The following PXDNL variants were observed in gnomAD, a reference collection of about 807,000 sequenced individuals.
The protein encoded by PXDNL is probable oxidoreductase PXDNL.
PXDNL carries 145 observed loss-of-function variants against 150.8 expected under a neutral mutation model. The ratio of observed to expected loss-of-function variants is 0.96; its 90% CI spans 0.84 to 1.10. The LOEUF (loss-of-function observed/expected upper bound fraction) is 1.10. Among genes scored for constraint, PXDNL ranks in the 50% least tolerant of loss-of-function variants. The pLI, the probability that PXDNL is intolerant of heterozygous loss-of-function variation, is 0.00. For missense variants in PXDNL, 2,087 were observed against 1,873.9 expected, an observed-to-expected ratio of 1.11 and a Z score of -2.10; for synonymous variants, 757 against 725.7, an observed-to-expected ratio of 1.04 and a Z score of -0.69.
chr8:51,553,218 G>A (rs13252991), intron 4 of PXDNL, among the ~76,000 whole-genome samples: 1 of 152,160 alleles, frequency 6.6e-6, no homozygotes, highest in Non-Finnish European at 1.5e-5. Context: ...AGCTCTCGTG[G>A]GTTGAAGTCT....
intron 1 of PXDNL, among the ~76,000 whole-genome samples, chr8:51,771,680 T>C (rs4321994): frequency 6.6e-6 from 1 of 151,140 alleles, no homozygotes; most frequent in African/African-American, 2.4e-5. Context: ...CAGAGAACAA[T>C]AAAAAAGAGA....
chr8:51,462,530 C>T (rs1211175963), intron 8 of PXDNL, among the ~76,000 whole-genome samples: 1 of 151,972 alleles, frequency 6.6e-6, no homozygotes, highest in Non-Finnish European at 1.5e-5. Flanking sequence ...CAGAACAGAC[C>T]AAGCTGAGGC....
intron 17 of PXDNL, among the ~76,000 whole-genome samples, chr8:51,393,421 G>A (rs758067166): frequency 6.6e-6 from 1 of 152,238 alleles, no homozygotes; most frequent in Non-Finnish European, 1.5e-5. Context: ...GAAATGAAGA[G>A]AGCACGTGTA....
chr8:51,562,983 T>C lies in PXDNL; in HGVS notation c.309-6072A>G, dbSNP rs77138799. Among the ~76,000 whole-genome samples, 1,023 of 152,036 alleles carry C rather than the reference T, an allele frequency of 6.7e-3. 7 individuals are homozygous for C. Among genetic ancestry groups the C allele is most frequent in the Admixed American group, 0.011 (174 of 15,246 alleles). On this transcript the variant is annotated intron_variant, in intron 3 of 22. Coordinates refer to ENST00000356297, the MANE Select transcript of PXDNL (RefSeq NM_144651.5). ...GTCACAGGAGAGGTTGGTTTGCTCT[T>C]GCAACCCTGTGACAAGAAAGAAATA...
At chr8:51,758,791 C>T (rs1462362183) in intron 1 of PXDNL, among the ~76,000 whole-genome samples, 1 of 152,118 alleles carries the variant, frequency 6.6e-6, no homozygotes, top group Non-Finnish European at 1.5e-5. Flanking sequence ...CTTTATAAAT[C>T]ACCCAGTCTC....
rs766991284 is a variant in PXDNL at position 51,408,328 on chromosome 8, G to A, written c.3296C>T (p.Pro1099Leu). ...CACGCCAAACAGCCCCCGGAGAACC[G>A]GGTCTATCCCACCTTCCTTGATTAT... The part of the protein sequence containing the change: ...SRIIKEGGID[P>L]VLRGLFGVAA... Residue 1099 changes from proline (P) to leucine (L), a missense_variant, in exon 17 of 23, where the codon CCG becomes CTG. Physicochemically the swap from Pro to Leu is moderately conservative, Grantham distance 98. Coordinates refer to ENST00000356297, the MANE Select transcript of PXDNL (RefSeq NM_144651.5). 1.9e-6 allele frequency: 3 copies of A among 1,614,020 alleles called. No individual in the cohort carries two copies. Among genetic ancestry groups the A allele is most frequent in the African/African-American group, 1.3e-5 (1 of 75,070 alleles).
chr8:51,556,066 G>A (rs1205686776), intron 4 of PXDNL, among the ~76,000 whole-genome samples: 2 of 152,010 alleles, frequency 1.3e-5, no homozygotes, highest in African/African-American at 4.8e-5. Flanking sequence ...GAGGCCAAAA[G>A]TTCAAGACCA....
chr8:51,782,721 C>T (rs2129250257), intron 1 of PXDNL, among the ~76,000 whole-genome samples: 1 of 152,350 alleles, frequency 6.6e-6, no homozygotes, highest in East Asian at 1.9e-4. Context: ...TGAGGCATGG[C>T]TTCCAACCAA....
At position 51,438,961 on chromosome 8, in the gene PXDNL, C is replaced by T. The variant is rs529283585; in HGVS notation, c.1525+8043G>A. On this transcript the variant is annotated intron_variant, in intron 12 of 22. Coordinates refer to ENST00000356297, the MANE Select transcript of PXDNL (RefSeq NM_144651.5). ...AGGACTTAAATCTAAGACCTGAAAG[C>T]ATAAAAACTGTAGAAGATGACATCG... Among the ~76,000 whole-genome samples the T allele has an allele frequency of 1.5e-4, 23 of 152,240 alleles. No individual in the cohort carries two copies. In the East Asian group the frequency reaches 4.2e-3, roughly 28 times the overall value.
At chr8:51,368,743 C>T (rs999491279) in intron 19 of PXDNL, among the ~76,000 whole-genome samples, 2 of 152,128 alleles carry the variant, frequency 1.3e-5, no homozygotes, top group Admixed American at 1.3e-4. Context: ...CACCTGTAAT[C>T]ACAGCAATTT....
intron 3 of PXDNL, among the ~76,000 whole-genome samples, chr8:51,574,487 G>A (rs953161447): frequency 6.6e-6 from 1 of 151,650 alleles, no homozygotes; most frequent in Non-Finnish European, 1.5e-5. Context: ...GAGAAAAAAA[G>A]GATGAGGCTA....
intron 2 of PXDNL, among the ~76,000 whole-genome samples, chr8:51,607,748 G>A (rs1813868500): frequency 6.8e-6 from 1 of 147,532 alleles, no homozygotes. Flanking sequence ...GCTGAGGCAA[G>A]AGAATTGCTT....
intron 17 of PXDNL, among the ~76,000 whole-genome samples, chr8:51,383,091 A>G (rs1042428123): frequency 1.3e-5 from 2 of 152,222 alleles, no homozygotes; most frequent in African/African-American, 2.4e-5. Context: ...TTGGAAAAAT[A>G]AATCCTCTCC....
Position 51,628,051 on chromosome 8 carries a change from A to T in PXDNL, c.236+26638T>A, listed in dbSNP as rs1814399810. ...TGTAGGCAAATAACAGAGCAGCAAA[A>T]GCCTAGAAGGAAAGTTGAGAAAAGG... On this transcript the variant is annotated intron_variant, in intron 2 of 22. Transcript: ENST00000356297. 2.0e-5 allele frequency among the ~76,000 whole-genome samples: 3 copies of T among 152,318 alleles called. No homozygotes were observed. The South Asian group carries it at 6.2e-4, about 32-fold the overall frequency.
rs181273871 is a variant in PXDNL at position 51,730,166 on chromosome 8, C to A, written c.165-75406G>T. On this transcript the variant is annotated intron_variant, in intron 1 of 22. Transcript: ENST00000356297. ...GTCAATGTAGGTTCATCACTTGTAA[C>A]ATCTCATTCAGGGTATTGACAGGGG... Among the ~76,000 whole-genome samples, 15 of 151,772 alleles carry A rather than the reference C, an allele frequency of 9.9e-5. No homozygotes were observed. The East Asian group carries it at 2.7e-3, about 28-fold the overall frequency.
At chr8:51,403,125 A>C (rs1808318957) in intron 17 of PXDNL, among the ~76,000 whole-genome samples, 1 of 151,980 alleles carries the variant, frequency 6.6e-6, no homozygotes, top group Non-Finnish European at 1.5e-5. Flanking sequence ...AGAAAAAAAA[A>C]GAAACAGTGT....
At chr8:51,421,821 G>A (rs1309546582) in intron 14 of PXDNL, among the ~76,000 whole-genome samples, 2 of 152,192 alleles carry the variant, frequency 1.3e-5, no homozygotes, top group African/African-American at 4.8e-5. Flanking sequence ...TTTACAATAT[G>A]GATACATTTT....
chr8:51,578,041 GGAAGGAAGGAAA>G (rs1249493606), intron 3 of PXDNL, among the ~76,000 whole-genome samples: 6 of 99,598 alleles, frequency 6.0e-5, no homozygotes, highest in African/African-American at 2.7e-4. Flanking sequence ...AAGGAAGGAA[GGAAGGAAGGAAA>G]GAAAGAAAGG....
intron 19 of PXDNL, among the ~76,000 whole-genome samples, chr8:51,350,066 G>GA (rs1161838381): frequency 2.6e-5 from 4 of 151,952 alleles, no homozygotes; most frequent in Non-Finnish European, 5.9e-5. Flanking sequence ...CTCTTACCGA[G>GA]AAAAAATTCA....
Sources: allele counts gnomAD v4.1 joint callset (sites outside exome capture counted in the v4.1 genomes callset), GRCh38; gene constraint gnomAD v4.1.1; transcripts MANE v1.5; gene names NCBI Gene and HGNC (gene_info 2026-07-23, HGNC 2026-07-21).